The following SDK1 variants were observed in gnomAD, a reference collection of about 807,000 sequenced individuals.
SDK1 encodes the protein sidekick cell adhesion molecule 1.
A neutral mutation model predicts 245.5 loss-of-function variants in SDK1; 157 were observed. That is an observed-to-expected ratio of 0.64 (90% CI 0.56 to 0.73). The LOEUF is 0.73. SDK1 is among the 30% of genes least tolerant of loss of function. The pLI is 0.00. For synonymous variants in SDK1, 1,647 were observed against 1,278.5 expected, an observed-to-expected ratio of 1.29 and a Z score of -6.15; for missense variants, 3,583 against 3,002.3, an observed-to-expected ratio of 1.19 and a Z score of -4.52.
intron 1 of SDK1, among the ~76,000 whole-genome samples, chr7:3,442,239 T>C (rs973296996): frequency 2.0e-5 from 3 of 152,220 alleles, no homozygotes; most frequent in African/African-American, 4.8e-5. Context: ...ATGTCTTTTA[T>C]AGCACATAGC....
chr7:3,644,271 G>A (rs973626185), intron 4 of SDK1, among the ~76,000 whole-genome samples: 1 of 144,290 alleles, frequency 6.9e-6, no homozygotes, highest in Admixed American at 6.8e-5. Flanking sequence ...ATATATGCAT[G>A]CAGCATATTT....
At chr7:3,623,757 C>T (rs964873156) in intron 2 of SDK1, among the ~76,000 whole-genome samples, 2 of 152,006 alleles carry the variant, frequency 1.3e-5, no homozygotes, top group African/African-American at 2.4e-5. Flanking sequence ...TACACCTAAG[C>T]CGAGAATTTC....
intron 1 of SDK1, among the ~76,000 whole-genome samples, chr7:3,354,140 A>C (rs1261585180): frequency 6.6e-6 from 1 of 151,752 alleles, no homozygotes; most frequent in Non-Finnish European, 1.5e-5. Flanking sequence ...CTGGGACTGC[A>C]GGCACCCGCC....
chr7:3,374,289 C>A (rs1464219555), intron 1 of SDK1, among the ~76,000 whole-genome samples: 1 of 152,148 alleles, frequency 6.6e-6, no homozygotes, highest in African/African-American at 2.4e-5. Context: ...GGATATGTTC[C>A]TTTTCTGGAA....
At chr7:3,495,508 C>G (rs577501303) in intron 1 of SDK1, among the ~76,000 whole-genome samples, 20 of 152,314 alleles carry the variant, frequency 1.3e-4, no homozygotes, top group African/African-American at 4.6e-4. Flanking sequence ...ATCCTCCCGC[C>G]TCAGCCTCCC....
At chr7:3,490,580 C>T (rs186843202) in intron 1 of SDK1, among the ~76,000 whole-genome samples, 96 of 152,196 alleles carry the variant, frequency 6.3e-4, no homozygotes, top group African/African-American at 2.2e-3. Flanking sequence ...TGTGACTTCC[C>T]GCCACTTCCA....
chr7:4,073,340 C>T (rs557138981), intron 20 of SDK1, among the ~76,000 whole-genome samples: 16 of 152,328 alleles, frequency 1.1e-4, no homozygotes, highest in Admixed American at 3.9e-4. Flanking sequence ...GGGCCTGCAC[C>T]ATTTCTGCTG....
intron 1 of SDK1, among the ~76,000 whole-genome samples, chr7:3,580,765 G>T (rs1443586667): frequency 1.3e-5 from 2 of 151,976 alleles, no homozygotes; most frequent in African/African-American, 4.8e-5. Flanking sequence ...TCAAGAGATT[G>T]AGACGATCCT....
chr7:3,888,845 T>C (rs562330846), intron 5 of SDK1, among the ~76,000 whole-genome samples: 5 of 152,362 alleles, frequency 3.3e-5, no homozygotes, highest in Non-Finnish European at 5.9e-5. Flanking sequence ...TCTCGTATTC[T>C]ATATGTTATG....
At chr7:3,457,766 C>A (rs577663394) in intron 1 of SDK1, among the ~76,000 whole-genome samples, 4 of 152,146 alleles carry the variant, frequency 2.6e-5, no homozygotes, top group Non-Finnish European at 5.9e-5. Context: ...ATCTTGGCAC[C>A]TCACACCACC....
intron 1 of SDK1, among the ~76,000 whole-genome samples, chr7:3,366,965 C>T (rs528435391): frequency 2.0e-5 from 3 of 152,128 alleles, no homozygotes; most frequent in Non-Finnish European, 2.9e-5. Context: ...TGGTCTCGAT[C>T]TCCTGACCTC....
intron 35 of SDK1, among the ~76,000 whole-genome samples, chr7:4,188,224 C>A (rs528079964): frequency 1.3e-3 from 194 of 152,358 alleles, no homozygotes; most frequent in African/African-American, 4.5e-3. Flanking sequence ...TGTCCTCAAG[C>A]TAGTTGCTAC....
chr7:3,600,750 G>A (rs1156590287), intron 1 of SDK1, among the ~76,000 whole-genome samples: 9 of 151,758 alleles, frequency 5.9e-5, no homozygotes, highest in African/African-American at 9.7e-5. Flanking sequence ...GGGTTTCACC[G>A]TGTTAGCCAG....
At chr7:3,831,355 T>G (rs898105723) in intron 5 of SDK1, among the ~76,000 whole-genome samples, 1 of 152,346 alleles carries the variant, frequency 6.6e-6, no homozygotes, top group Admixed American at 6.5e-5. Context: ...CTTCCCAGTA[T>G]GATTTTTCCT....
At chr7:3,370,167 GGTT>G (rs1306516272) in intron 1 of SDK1, among the ~76,000 whole-genome samples, 1 of 152,170 alleles carries the variant, frequency 6.6e-6, no homozygotes, top group Non-Finnish European at 1.5e-5. Flanking sequence ...TTGACAGAGT[GGTT>G]GTTAATGCCT....
rs543379782 is a variant in SDK1, at chr7:3,586,568, T to A, written c.299-32512T>A. ...AAAAAAAAAAAAATTAGCTGGGCAT[T>A]GTGGCGGGCGCCTGTAGTCCTAGCT... is the stretch of plus-strand genomic sequence containing the variant. On this transcript the variant is annotated intron_variant, in intron 1 of 44. Transcript: ENST00000404826. Among the ~76,000 whole-genome samples the A allele has an allele frequency of 1.2e-4, 18 of 150,624 alleles. No individual in the cohort carries two copies. The South Asian group carries it at 3.8e-3, about 32-fold the overall frequency.
chr7:4,170,321 T>C (rs1056669829), intron 32 of SDK1, among the ~76,000 whole-genome samples: 1 of 151,968 alleles, frequency 6.6e-6, no homozygotes, highest in Non-Finnish European at 1.5e-5. Context: ...GTGGTGCAGG[T>C]CTGTAGTCCC....
chr7:4,044,563 C>T (rs1788877397), intron 17 of SDK1, among the ~76,000 whole-genome samples: 1 of 151,928 alleles, frequency 6.6e-6, no homozygotes, highest in South Asian at 2.1e-4. Context: ...CCCACCTCAG[C>T]CTCCCAAGTA....
At chr7:3,616,783 T>C (rs1781785619) in intron 1 of SDK1, among the ~76,000 whole-genome samples, 1 of 152,234 alleles carries the variant, frequency 6.6e-6, no homozygotes, top group Admixed American at 6.5e-5. Flanking sequence ...TATAGTTTAA[T>C]GTGCAACTAG....
Sources: allele counts gnomAD v4.1 joint callset (sites outside exome capture counted in the v4.1 genomes callset), GRCh38; gene constraint gnomAD v4.1.1; transcripts MANE v1.5; gene names NCBI Gene and HGNC (gene_info 2026-07-23, HGNC 2026-07-21).